The following CTNNA3 variants were observed in gnomAD, a reference collection of about 807,000 sequenced individuals.
The protein encoded by CTNNA3 is catenin alpha 3.
A neutral mutation model predicts 95.7 loss-of-function variants in CTNNA3; 76 were observed. That is an observed-to-expected ratio of 0.79 (90% CI 0.66 to 0.96). The LOEUF (loss-of-function observed/expected upper bound fraction) is 0.96, where lower values mean the gene tolerates loss of function less well. CTNNA3 is among the 40% of genes least tolerant of loss of function. The pLI is 0.00. For missense variants in CTNNA3, 1,191 were observed against 1,089.8 expected, an observed-to-expected ratio of 1.09 and a Z score of -1.31; for synonymous variants, 431 against 374.4, an observed-to-expected ratio of 1.15 and a Z score of -1.74.
intron 5 of CTNNA3, among the ~76,000 whole-genome samples, chr10:67,253,788 C>T (rs1866213574): frequency 6.6e-6 from 1 of 152,138 alleles, no homozygotes; most frequent in African/African-American, 2.4e-5. Flanking sequence ...ACTGGCAGAA[C>T]AAAGCACAAT....
At chr10:66,058,453 C>T (rs892459999) in intron 15 of CTNNA3, among the ~76,000 whole-genome samples, 2 of 152,176 alleles carry the variant, frequency 1.3e-5, no homozygotes, top group Admixed American at 6.6e-5. Context: ...TGAAGCTGTG[C>T]ATCCCAAGGA....
At chr10:67,243,820 G>A (rs1865808158) in intron 5 of CTNNA3, among the ~76,000 whole-genome samples, 1 of 152,080 alleles carries the variant, frequency 6.6e-6, no homozygotes, top group South Asian at 2.1e-4. Flanking sequence ...CCCTTTATAT[G>A]GCACTAGTCT....
intron 9 of CTNNA3, among the ~76,000 whole-genome samples, chr10:66,664,646 T>C (rs904476178): frequency 6.6e-6 from 1 of 151,984 alleles, no homozygotes; most frequent in Non-Finnish European, 1.5e-5. Context: ...TCTAGGTATG[T>C]TCCGTCTCTC....
intron 5 of CTNNA3, among the ~76,000 whole-genome samples, chr10:67,411,121 C>T (rs764161486): frequency 1.3e-5 from 2 of 151,886 alleles, no homozygotes; most frequent in African/African-American, 2.4e-5. Context: ...AGAATAAGTT[C>T]GAGAAATGTA....
intron 11 of CTNNA3, among the ~76,000 whole-genome samples, chr10:66,485,265 G>C (rs1839685668): frequency 6.6e-6 from 1 of 151,968 alleles, no homozygotes; most frequent in Non-Finnish European, 1.5e-5. Flanking sequence ...TTAAACAAAA[G>C]GTATCCAATT....
At chr10:66,178,168 A>T (rs1241215969) in intron 13 of CTNNA3, among the ~76,000 whole-genome samples, 1 of 151,524 alleles carries the variant, frequency 6.6e-6, no homozygotes, top group East Asian at 1.9e-4. Flanking sequence ...AAAACTAAAT[A>T]TAAATTAGCT....
intron 9 of CTNNA3, among the ~76,000 whole-genome samples, chr10:66,685,926 G>A (rs1847280482): frequency 6.6e-6 from 1 of 152,078 alleles, no homozygotes; most frequent in South Asian, 2.1e-4. Flanking sequence ...ATATAGAGAT[G>A]CACAAAATCC....
chr10:66,711,438 C>CATTCATAT (rs545122518), intron 9 of CTNNA3, among the ~76,000 whole-genome samples: 214 of 152,106 alleles, frequency 1.4e-3, no homozygotes, highest in African/African-American at 5.0e-3. Flanking sequence ...AGGTGTCCCT[C>CATTCATAT]ATTCATATGT....
intron 6 of CTNNA3, among the ~76,000 whole-genome samples, chr10:67,194,884 C>T (rs1026053467): frequency 6.6e-6 from 1 of 151,786 alleles, no homozygotes; most frequent in East Asian, 1.9e-4. Flanking sequence ...AAAATAAAGT[C>T]TTAAAAATAA....
intron 7 of CTNNA3, among the ~76,000 whole-genome samples, chr10:67,094,865 A>C (rs1857876911): frequency 6.6e-6 from 1 of 151,668 alleles, no homozygotes; most frequent in Admixed American, 6.6e-5. Context: ...GTATATATCC[A>C]TAGGTATGTA....
chr10:67,297,885 G>A (rs1840111008), intron 5 of CTNNA3, among the ~76,000 whole-genome samples: 1 of 152,202 alleles, frequency 6.6e-6, no homozygotes, highest in Non-Finnish European at 1.5e-5. Context: ...ATGGAAAATA[G>A]TTGTTGGCAG....
intron 15 of CTNNA3, among the ~76,000 whole-genome samples, chr10:65,996,374 T>C (rs1417340409): frequency 6.6e-6 from 1 of 152,080 alleles, no homozygotes; most frequent in Non-Finnish European, 1.5e-5. Context: ...TTGCTGTGTG[T>C]TCTATAGTGC....
At chr10:66,905,497 T>G (rs772509708) in intron 7 of CTNNA3, among the ~76,000 whole-genome samples, 12 of 152,172 alleles carry the variant, frequency 7.9e-5, no homozygotes, top group South Asian at 6.2e-4. Flanking sequence ...TGTACACATG[T>G]GCCCTAGAAC....
chr10:66,763,970 T>A (rs1287544879), intron 9 of CTNNA3, among the ~76,000 whole-genome samples: 1 of 152,148 alleles, frequency 6.6e-6, no homozygotes, highest in Non-Finnish European at 1.5e-5. Context: ...ATTGCCCAGC[T>A]CTTCCCAGTC....
Position 66,464,837 on chromosome 10 carries a change from G to C in CTNNA3, c.1531+55780C>G, listed in dbSNP as rs114792548. 3.2e-3 allele frequency among the ~76,000 whole-genome samples: 485 copies of C among 151,616 alleles called. 3 individuals are homozygous for C. Among genetic ancestry groups the C allele is most frequent in the African/African-American group, 0.011 (470 of 41,362 alleles). ...TGGAATTAACAATTTGTCTCTTACA[G>C]GCTAATTGGAATGGAGAATTTTTCT... On this transcript the variant is annotated intron_variant, in intron 11 of 17. Coordinates refer to ENST00000433211, the MANE Select transcript of CTNNA3 (RefSeq NM_013266.4).
chr10:67,096,138 T>C (rs1857977250), intron 7 of CTNNA3, among the ~76,000 whole-genome samples: 2 of 151,908 alleles, frequency 1.3e-5, no homozygotes, highest in African/African-American at 4.8e-5. Flanking sequence ...CTAAGCTATA[T>C]ATATTTTATA....
intron 7 of CTNNA3, among the ~76,000 whole-genome samples, chr10:67,025,129 C>CAAAAAAAA (rs1206262968): frequency 3.9e-5 from 1 of 25,334 alleles, no homozygotes. Flanking sequence ...AAAACTCTGT[C>CAAAAAAAA]AAAAACAAAA....
intron 7 of CTNNA3, among the ~76,000 whole-genome samples, chr10:66,941,141 A>G (rs909357942): frequency 6.6e-6 from 1 of 152,230 alleles, no homozygotes; most frequent in African/African-American, 2.4e-5. Context: ...CACAGTAGAG[A>G]GACAATATTT....
intron 5 of CTNNA3, among the ~76,000 whole-genome samples, chr10:67,386,893 A>G (rs1844190734): frequency 6.6e-6 from 1 of 152,228 alleles, no homozygotes. Context: ...CTTTTTGGTT[A>G]ATTCAAGTCT....
Sources: allele counts gnomAD v4.1 joint callset (sites outside exome capture counted in the v4.1 genomes callset), GRCh38; gene constraint gnomAD v4.1.1; transcripts MANE v1.5; gene names NCBI Gene and HGNC (gene_info 2026-07-23, HGNC 2026-07-21).